ANKRD44: variants seen among roughly 807,000 people sequenced by gnomAD.
ANKRD44 encodes the protein serine/threonine-protein phosphatase 6 regulatory ankyrin repeat subunit B.
A neutral mutation model predicts 116.0 loss-of-function variants in ANKRD44; 35 were observed. The observed-to-expected ratio is 0.30, with a 90% CI of 0.23 to 0.40. The LOEUF (loss-of-function observed/expected upper bound fraction) is 0.40, where lower values mean the gene tolerates loss of function less well. Ranked by LOEUF, ANKRD44 falls within the 10% of genes least tolerant of loss-of-function variation. The pLI is 1.00. For missense variants in ANKRD44, 1,014 were observed against 1,242.6 expected (o/e 0.82, Z 2.77); for synonymous variants, 435 against 461.8 (o/e 0.94, Z 0.74).
chr2:197,295,305 G>A (rs950042110), intron 1 of ANKRD44, among the ~76,000 whole-genome samples: 4 of 152,124 alleles, frequency 2.6e-5, no homozygotes, highest in Non-Finnish European at 5.9e-5. Flanking sequence ...TCCTGTAAAA[G>A]GCCAGATAAT....
intron 2 of ANKRD44, among the ~76,000 whole-genome samples, 198 bp from the exon 3 acceptor site, chr2:197,147,303 C>T (rs1385022373): frequency 1.3e-5 from 2 of 152,016 alleles, no homozygotes; most frequent in African/African-American, 4.8e-5. Flanking sequence ...ATTCCATTTT[C>T]TGTGTCTGTG....
At chr2:197,235,514 G>A (rs1289910325) in intron 1 of ANKRD44, among the ~76,000 whole-genome samples, 3 of 151,858 alleles carry the variant, frequency 2.0e-5, no homozygotes, top group Non-Finnish European at 2.9e-5. Context: ...TACTTGGGAG[G>A]CTGAGGCAGG....
intron 1 of ANKRD44, among the ~76,000 whole-genome samples, chr2:197,279,828 G>C (rs769388665): frequency 6.6e-6 from 1 of 152,120 alleles, no homozygotes; most frequent in Non-Finnish European, 1.5e-5. Context: ...CCTGCATTGG[G>C]ATTGATTTAT....
At chr2:197,258,421 AGAATTTCCTTCCTTTTTAAGGCT>A (rs1559193660) in intron 1 of ANKRD44, among the ~76,000 whole-genome samples, 1 of 151,988 alleles carries the variant, frequency 6.6e-6, no homozygotes, top group Non-Finnish European at 1.5e-5. Context: ...TTACTAGGCC[AGAATTTCCTTCCTTTTTAAGGCT>A]GAATAATATT....
intron 12 of ANKRD44, among the ~76,000 whole-genome samples, chr2:197,088,082 C>A (rs576657074): frequency 7.9e-5 from 12 of 152,248 alleles, no homozygotes; most frequent in East Asian, 7.7e-4. Flanking sequence ...CCAAGAGATG[C>A]CATGTTTAGT....
chr2:197,240,415 TA>T (rs1274184153), intron 1 of ANKRD44, among the ~76,000 whole-genome samples: 5 of 149,382 alleles, frequency 3.3e-5, no homozygotes, highest in Admixed American at 2.0e-4. Context: ...GACCTTCTTT[TA>T]AAAAAAACAA....
At position 196,995,373 on chromosome 2, in the gene ANKRD44, A is replaced by G; in HGVS notation, c.2831+6T>C. ...GTTCAAGTCCAACTTTAGTAGTTAC[A>G]CTTACGTCTGCAGTGCATTATTTTT... is the stretch of plus-strand genomic sequence containing the variant. On this transcript the variant is annotated splice_donor_region_variant and intron_variant, in intron 26 of 27. Transcript: ENST00000282272. 1 of 1,605,560 alleles carries G rather than the reference A, an allele frequency of 6.2e-7. No homozygotes were observed. The highest frequency in any genetic ancestry group is 8.5e-7 in the Non-Finnish European group (1 of 1,174,172).
At chr2:197,059,487 T>C (rs754049322) in intron 16 of ANKRD44, among the ~76,000 whole-genome samples, 4 of 152,188 alleles carry the variant, frequency 2.6e-5, no homozygotes, top group Non-Finnish European at 4.4e-5. Flanking sequence ...TGACAGCTAA[T>C]CTTGTTGGGA....
At chr2:197,199,592 T>A (rs184451175) in intron 1 of ANKRD44, among the ~76,000 whole-genome samples, 5 of 152,278 alleles carry the variant, frequency 3.3e-5, no homozygotes, top group African/African-American at 1.2e-4. Flanking sequence ...GAAAATGGGA[T>A]TTTACTATTT....
chr2:197,142,778 T>A (rs1193578025), intron 3 of ANKRD44, among the ~76,000 whole-genome samples: 1 of 152,226 alleles, frequency 6.6e-6, no homozygotes, highest in African/African-American at 2.4e-5. Context: ...ATAATTTGCA[T>A]TGAGAGTAAG....
At chr2:197,222,997 G>T (rs577584305) in intron 1 of ANKRD44, among the ~76,000 whole-genome samples, 6 of 151,742 alleles carry the variant, frequency 4.0e-5, no homozygotes, top group African/African-American at 1.2e-4. Context: ...ATTTTCAGTT[G>T]AGATAGGGTT....
At chr2:196,985,340 T>C (rs951369330), downstream of ANKRD44, among the ~76,000 whole-genome samples, 3 of 152,232 alleles carry the variant, frequency 2.0e-5, no homozygotes, top group Admixed American at 2.0e-4. Context: ...TTTAAGCCAC[T>C]AAGTTTTGGG....
Position 197,147,099 on chromosome 2 carries a change from C to T in ANKRD44, c.118G>A (p.Glu40Lys). 1 of 1,613,800 alleles carries T rather than the reference C, an allele frequency of 6.2e-7. No individual in the cohort carries two copies. Among genetic ancestry groups the T allele is most frequent in the South Asian group, 1.1e-5 (1 of 91,072 alleles). Residue 40 changes from glutamate to lysine, a missense_variant, in exon 3 of 28, where the codon GAG becomes AAG. Glu to Lys is a moderately conservative substitution (Grantham distance 56, BLOSUM62 1). Coordinates refer to ENST00000282272, the MANE Select transcript of ANKRD44 (RefSeq NM_001195144.2). The stretch of plus-strand genomic sequence containing the variant: ...GCCACATGAAGAGGGGTTCGTTTCT[C>T]AGAATCCTGAAATACACAACGTCAA... ...KTEDVNTLDS[E>K]KRTPLHVAAF...
At chr2:197,266,083 C>T (rs1326447186) in intron 1 of ANKRD44, among the ~76,000 whole-genome samples, 1 of 152,060 alleles carries the variant, frequency 6.6e-6, no homozygotes, top group Non-Finnish European at 1.5e-5. Context: ...TACATGAAGG[C>T]GTTGTGCTTT....
intron 1 of ANKRD44, among the ~76,000 whole-genome samples, chr2:197,254,598 T>TACATACACAC (rs2082398794): frequency 1.3e-5 from 2 of 148,156 alleles, no homozygotes; most frequent in Non-Finnish European, 3.0e-5. Flanking sequence ...CATACATGCA[T>TACATACACAC]ACACACACAC....
At chr2:197,198,231 A>G (rs554312731) in intron 1 of ANKRD44, 4 of 152,254 alleles carry the variant, frequency 2.6e-5, no homozygotes, top group East Asian at 1.9e-4. Context: ...CCTATCATGG[A>G]AGGTCTTGAA....
At position 196,990,588 on chromosome 2, in the gene ANKRD44, A is replaced by G. The variant is rs368850924; in HGVS notation, c.2924-939T>C. The G allele has an allele frequency of 8.1e-6, 10 of 1,230,898 alleles. No individual in the cohort carries two copies. In the African/African-American group the frequency reaches 9.3e-5, roughly 11 times the overall value. The allele number at this position is 1,230,898 out of a possible 1,614,324, so 76.2% of individuals were successfully genotyped here. ...CTAGCTTCTGGAAGCCCAGGCCCCA[A>G]ATAATACTTGAATACAACATAAACC... is the stretch of plus-strand genomic sequence containing the variant. On this transcript the variant is annotated intron_variant, in intron 27 of 27. Transcript: ENST00000282272.
chr2:197,117,529 C>T (rs752487097), intron 8 of ANKRD44, among the ~76,000 whole-genome samples: 75 of 152,246 alleles, frequency 4.9e-4, no homozygotes, highest in Non-Finnish European at 1.0e-3. Flanking sequence ...TGAGCCACCG[C>T]GCCTGGCCAA....
intron 2 of ANKRD44, chr2:197,148,044 A>G: frequency 3.3e-6 from 1 of 302,114 alleles, no homozygotes. Flanking sequence ...GCATGGTAAC[A>G]TGCAAGGGAA....
Sources: allele counts gnomAD v4.1 joint callset (sites outside exome capture counted in the v4.1 genomes callset), GRCh38; gene constraint gnomAD v4.1.1; transcripts MANE v1.5; gene names NCBI Gene and HGNC (gene_info 2026-07-23, HGNC 2026-07-21).